Variants in MED13L observed in about 807,000 individuals in gnomAD.
The protein encoded by MED13L is mediator complex subunit 13L.
A neutral mutation model predicts 220.9 loss-of-function variants in MED13L; 7 were observed. The observed-to-expected ratio is 0.03, with a 90% confidence interval of 0.02 to 0.06. MED13L has a LOEUF of 0.06. Ranked by LOEUF, MED13L falls within the 10% of genes least tolerant of loss-of-function variation. MED13L has a pLI of 1.00. For missense variants in MED13L, 1,965 were observed against 2,760.5 expected, an observed-to-expected ratio of 0.71 and a Z score of 6.46; for synonymous variants, 1,011 against 1,015.2, an observed-to-expected ratio of 1.00 and a Z score of 0.08.
At chr12:116,015,777 T>C (rs1879689549) in intron 7 of MED13L, among the ~76,000 whole-genome samples, 1 of 152,202 alleles carries the variant, frequency 6.6e-6, no homozygotes, top group Admixed American at 6.5e-5. Flanking sequence ...AAGAAAGTAA[T>C]GGCACAAAGC....
rs1875687520 is a variant in MED13L, at chr12:115,960,472, G to A, written c.*794C>T. On this transcript the variant is annotated 3_prime_UTR_variant, in exon 31 of 31. Transcript: ENST00000281928. The stretch of plus-strand genomic sequence containing the variant: ...TGTTGTTAACAAAACCTACTGCTGG[G>A]TGGTTTTGAATATATTACTTTTAGG... 1 of 152,484 alleles carries A rather than the reference G, an allele frequency of 6.6e-6. No individual in the cohort carries two copies. Among genetic ancestry groups the A allele is most frequent in the African/African-American group, 2.4e-5 (1 of 41,404 alleles). The allele number at this position is 152,484 out of a possible 1,614,324, so 9.4% of individuals were successfully genotyped here. A position where few individuals can be genotyped will look rare whatever the true frequency, so the allele number is the denominator to read the frequency against.
At position 116,019,532 on chromosome 12, in the gene MED13L, G is replaced by A. The variant is rs1879928254; in HGVS notation, c.821-120C>T. 16 of 1,211,204 alleles carry A rather than the reference G, an allele frequency of 1.3e-5. No individual in the cohort carries two copies. The Admixed American group carries it at 2.9e-4, about 22-fold the overall frequency. 75.0% of individuals were successfully genotyped at this position (1,211,204 alleles called of 1,614,324 possible). ...CATGAAGTACTGCCAAAAGTGATAG[G>A]CTCCATTCTTTCATAAGTTAATAGC... On this transcript the variant is annotated intron_variant, in intron 6 of 30. Coordinates refer to ENST00000281928, the MANE Select transcript of MED13L (RefSeq NM_015335.5).
chr12:116,007,856 G>A (rs1566006804), intron 10 of MED13L: 2 of 549,158 alleles, frequency 3.6e-6, no homozygotes, highest in Non-Finnish European at 6.4e-6. Flanking sequence ...TCTCAGGACA[G>A]ACTGCCTAGT....
At chr12:116,072,895 C>A (rs896805642) in intron 4 of MED13L, among the ~76,000 whole-genome samples, 1 of 152,144 alleles carries the variant, frequency 6.6e-6, no homozygotes, top group Non-Finnish European at 1.5e-5. Flanking sequence ...AGTAACAAAA[C>A]AAATTAGGTT....
At chr12:115,972,733 C>T (rs1057108132) in intron 25 of MED13L, among the ~76,000 whole-genome samples, 16 of 152,162 alleles carry the variant, frequency 1.1e-4, no homozygotes, top group African/African-American at 3.6e-4. Flanking sequence ...TTAGAACACC[C>T]AAAAGAGCTC....
chr12:116,026,561 G>T (rs544358584), intron 4 of MED13L, among the ~76,000 whole-genome samples: 86 of 152,260 alleles, frequency 5.6e-4, no homozygotes, highest in African/African-American at 2.0e-3. Context: ...GGTTTAGGGT[G>T]GGCCCCATAA....
intron 2 of MED13L, among the ~76,000 whole-genome samples, chr12:116,195,917 G>A (rs1000053103): frequency 5.9e-5 from 9 of 151,958 alleles, no homozygotes; most frequent in Non-Finnish European, 1.0e-4. Context: ...ATGAAAAACT[G>A]AGTAAGAGAT....
chr12:116,102,716 T>C (rs1216693935), intron 3 of MED13L, among the ~76,000 whole-genome samples: 2 of 67,044 alleles, frequency 3.0e-5, no homozygotes, highest in African/African-American at 5.3e-5. Flanking sequence ...TTTTCTTTTT[T>C]TTTTTTTTTT....
At chr12:115,975,401 A>C in intron 24 of MED13L, 88 bp from the exon 25 acceptor site, 1 of 1,604,558 alleles carries the variant, frequency 6.2e-7, no homozygotes. Flanking sequence ...TAGAAATTCC[A>C]AAGAACCTAT....
At chr12:116,194,140 AT>A (rs1355152896) in intron 2 of MED13L, among the ~76,000 whole-genome samples, 11 of 152,254 alleles carry the variant, frequency 7.2e-5, no homozygotes, top group African/African-American at 1.4e-4. Flanking sequence ...AAACAAAAAA[AT>A]AACCCTGTCT....
Position 116,265,764 on chromosome 12 carries a change from C to T in MED13L, c.72+11296G>A, listed in dbSNP as rs141198002. 1.3e-3 allele frequency among the ~76,000 whole-genome samples: 193 copies of T among 152,250 alleles called. 1 individual carries two copies. The highest frequency in any genetic ancestry group is 2.2e-3 in the Non-Finnish European group (153 of 68,010). ...CTTTGTACTGTTTTTTAAAAGAAAGCCAAGAACCAGGACCATAAATTAGAA... is the reference window on the plus strand; with the variant it reads ...CTTTGTACTGTTTTTTAAAAGAAAGTCAAGAACCAGGACCATAAATTAGAA... On this transcript the variant is annotated intron_variant, in intron 1 of 30. Transcript: ENST00000281928.
intron 22 of MED13L, chr12:115,981,749 G>A (rs1246801584): frequency 1.3e-5 from 2 of 152,500 alleles, no homozygotes; most frequent in Non-Finnish European, 2.9e-5. Flanking sequence ...AATGTTGCTT[G>A]TAAGAATTTA....
At chr12:116,014,285 T>C (rs1879594468) in intron 8 of MED13L, among the ~76,000 whole-genome samples, 2 of 152,210 alleles carry the variant, frequency 1.3e-5, no homozygotes, top group African/African-American at 4.8e-5. Context: ...TGAGGGAAGT[T>C]ATTGGATTTT....
chr12:116,075,011 G>C (rs1360104301), intron 4 of MED13L, among the ~76,000 whole-genome samples: 2 of 152,254 alleles, frequency 1.3e-5, no homozygotes, highest in African/African-American at 4.8e-5. Flanking sequence ...AGGCTCTACA[G>C]TGTCTGGTCT....
intron 17 of MED13L, among the ~76,000 whole-genome samples, chr12:115,988,836 C>T (rs372173485): frequency 2.6e-5 from 4 of 152,058 alleles, no homozygotes; most frequent in African/African-American, 4.8e-5. Flanking sequence ...CTTTTCTGTC[C>T]GAAGGCCTAT....
intron 2 of MED13L, among the ~76,000 whole-genome samples, chr12:116,138,219 ATACTC>A (rs1031802840): frequency 3.7e-4 from 57 of 152,344 alleles, no homozygotes; most frequent in African/African-American, 1.2e-3. Context: ...AAGGATCTAA[ATACTC>A]TACAAAATAA....
chr12:116,250,976 T>C (rs1871499656), intron 1 of MED13L, among the ~76,000 whole-genome samples: 1 of 151,794 alleles, frequency 6.6e-6, no homozygotes, highest in South Asian at 2.1e-4. Context: ...AGAAGTTTAA[T>C]ATTATTTGAA....
At chr12:116,224,866 A>G (rs1172241676) in intron 2 of MED13L, among the ~76,000 whole-genome samples, 3 of 152,114 alleles carry the variant, frequency 2.0e-5, no homozygotes, top group African/African-American at 7.2e-5. Flanking sequence ...TTTTGTAGAG[A>G]TAAGGCTTCA....
intron 2 of MED13L, among the ~76,000 whole-genome samples, chr12:116,180,175 G>A (rs1281136203): frequency 6.6e-6 from 1 of 152,142 alleles, no homozygotes; most frequent in Non-Finnish European, 1.5e-5. Flanking sequence ...CAGAGATGAC[G>A]CTGAACACCC....
Sources: allele counts gnomAD v4.1 joint callset (sites outside exome capture counted in the v4.1 genomes callset), GRCh38; gene constraint gnomAD v4.1.1; transcripts MANE v1.5; gene names NCBI Gene and HGNC (gene_info 2026-07-23, HGNC 2026-07-21).